ZNF407: variants seen among roughly 807,000 people sequenced by gnomAD.
The protein encoded by ZNF407 is zinc finger protein 407.
ZNF407 carries 17 observed loss-of-function variants against 131.2 expected under a neutral mutation model. That is an observed-to-expected ratio of 0.13 (90% confidence interval 0.09 to 0.19). The LOEUF is 0.19. ZNF407 is among the 10% of genes least tolerant of loss of function. ZNF407 has a pLI of 1.00. For missense variants in ZNF407, 2,681 were observed against 2,830.6 expected (o/e 0.95, Z 1.20); for synonymous variants, 1,156 against 1,062.0 (o/e 1.09, Z -1.72).
chr18:74,910,069 G>A (rs188023489), intron 7 of ZNF407, among the ~76,000 whole-genome samples: 25 of 152,240 alleles, frequency 1.6e-4, no homozygotes, highest in Admixed American at 5.9e-4. Flanking sequence ...ACATGATTGG[G>A]CACATGTAGC....
chr18:74,941,661 G>C (rs1972100742), intron 8 of ZNF407, among the ~76,000 whole-genome samples: 1 of 152,214 alleles, frequency 6.6e-6, no homozygotes, highest in Non-Finnish European at 1.5e-5. Context: ...CCTTTCTCAA[G>C]TAGCAAATGG....
chr18:74,961,660 C>T (rs928669629), intron 8 of ZNF407, among the ~76,000 whole-genome samples: 1 of 151,352 alleles, frequency 6.6e-6, no homozygotes, highest in Non-Finnish European at 1.5e-5. Context: ...ACGGAAGCTG[C>T]AGTGAGCCAA....
intron 1 of ZNF407, among the ~76,000 whole-genome samples, chr18:74,622,726 T>A (rs1983569455): frequency 2.2e-5 from 1 of 44,834 alleles, no homozygotes; most frequent in South Asian, 7.3e-4. Flanking sequence ...ATCACCATAG[T>A]GGTGTGTGTC....
At chr18:74,642,183 T>C (rs959163819) in intron 3 of ZNF407, among the ~76,000 whole-genome samples, 1 of 152,162 alleles carries the variant, frequency 6.6e-6, no homozygotes, top group Non-Finnish European at 1.5e-5. Flanking sequence ...TGCAAGCACT[T>C]TTATGAACCA....
chr18:74,669,553 C>T (rs552030611), intron 3 of ZNF407, among the ~76,000 whole-genome samples: 5 of 152,190 alleles, frequency 3.3e-5, no homozygotes, highest in South Asian at 4.1e-4. Context: ...TTTGCTGTTT[C>T]ATCATATGCC....
Position 74,641,084 on chromosome 18 carries a change from G to T in ZNF407, c.4764G>T (p.Arg1588Ser), listed in dbSNP as rs765538100. The T allele has an allele frequency of 6.2e-7, 1 of 1,613,348 alleles. No homozygotes were observed. The highest frequency in any genetic ancestry group is 1.1e-5 in the South Asian group (1 of 91,056). Residue 1588 changes from arginine (R) to serine (S), a missense_variant, in exon 3 of 9, where the codon AGG becomes AGT. Arg to Ser is a moderately radical substitution (Grantham distance 110). Transcript: ENST00000299687. ...GAGATGCCAGAAACCATGTGAAAAG[G>T]CACCTTGGGATGAGGGAATACAAGT... is the stretch of plus-strand genomic sequence containing the variant. Reference protein sequence around the residue: ...QLGDARNHVKRHLGMREYKCH... With the variant: ...QLGDARNHVKSHLGMREYKCH...
intron 8 of ZNF407, chr18:75,062,928 C>G (rs1973655060): frequency 2.2e-6 from 1 of 455,406 alleles, no homozygotes; most frequent in Non-Finnish European, 3.9e-6. Flanking sequence ...GAAATGCACA[C>G]CCAGTATTAA....
intron 3 of ZNF407, among the ~76,000 whole-genome samples, chr18:74,763,518 C>CT (rs1969148927): frequency 6.6e-6 from 1 of 151,282 alleles, no homozygotes; most frequent in African/African-American, 2.4e-5. Flanking sequence ...AAGGTTACAA[C>CT]TTTTTTTCTT....
intron 1 of ZNF407, among the ~76,000 whole-genome samples, chr18:74,615,942 C>A (rs1983269737): frequency 6.6e-6 from 1 of 151,998 alleles, no homozygotes; most frequent in African/African-American, 2.4e-5. Context: ...CGGCTCACTG[C>A]AGCTTCCGCC....
chr18:74,878,489 C>G (rs1401156077), intron 5 of ZNF407, among the ~76,000 whole-genome samples: 1 of 152,080 alleles, frequency 6.6e-6, no homozygotes, highest in African/African-American at 2.4e-5. Flanking sequence ...TATCGAACAG[C>G]AGATGAAAAG....
chr18:74,944,981 T>A (rs913137730), intron 8 of ZNF407, among the ~76,000 whole-genome samples: 4 of 152,298 alleles, frequency 2.6e-5, no homozygotes, highest in Admixed American at 2.0e-4. Context: ...CTGACAGAAA[T>A]GTACTCCTTG....
chr18:74,630,414 G>A (rs1405956249), intron 1 of ZNF407, among the ~76,000 whole-genome samples: 4 of 152,000 alleles, frequency 2.6e-5, no homozygotes, highest in African/African-American at 7.2e-5. Context: ...CTCGTGATCC[G>A]CCTGCCTCGG....
At chr18:74,726,454 G>T (rs1364381129) in intron 3 of ZNF407, among the ~76,000 whole-genome samples, 1 of 152,114 alleles carries the variant, frequency 6.6e-6, no homozygotes, top group Non-Finnish European at 1.5e-5. Context: ...TAATAAAACT[G>T]TAAAACAGAA....
At chr18:74,979,446 C>T (rs1972564008) in intron 8 of ZNF407, among the ~76,000 whole-genome samples, 1 of 152,124 alleles carries the variant, frequency 6.6e-6, no homozygotes, top group African/African-American at 2.4e-5. Context: ...CATGCACCAC[C>T]ACGCCTGACT....
chr18:74,971,310 G>T (rs572581111), intron 8 of ZNF407, among the ~76,000 whole-genome samples: 24 of 152,346 alleles, frequency 1.6e-4, no homozygotes, highest in African/African-American at 5.8e-4. Context: ...CAGCCAGCTT[G>T]AATTTCTCCC....
At chr18:74,748,686 A>G (rs1968727892) in intron 3 of ZNF407, among the ~76,000 whole-genome samples, 2 of 152,206 alleles carry the variant, frequency 1.3e-5, no homozygotes, top group South Asian at 4.1e-4. Context: ...TAGGTTTTGT[A>G]TAATAACATG....
rs1216837122 is a variant in ZNF407, at chr18:74,631,895, A to G, written c.876A>G (p.Lys292=). 4.3e-6 allele frequency: 7 copies of G among 1,613,870 alleles called. No homozygotes were observed. The highest frequency in any genetic ancestry group is 1.7e-5 in the Admixed American group (1 of 59,980). The change falls in exon 2 of 9, where the codon AAA becomes AAG. Residue 292 remains lysine, a synonymous_variant. Transcript: ENST00000299687. ...QILTKQPFPK[K]SRTMATKNVH... ...TAACAAAACAACCTTTTCCTAAAAA[A>G]TCACGTACAATGGCAACAAAAAATG... is the stretch of plus-strand genomic sequence containing the variant.
intron 4 of ZNF407, among the ~76,000 whole-genome samples, chr18:74,845,988 G>A (rs1273753966): frequency 1.3e-5 from 2 of 152,188 alleles, no homozygotes; most frequent in Non-Finnish European, 2.9e-5. Context: ...TAAAATCTAA[G>A]TAAAATAATT....
intron 4 of ZNF407, among the ~76,000 whole-genome samples, chr18:74,857,538 C>A (rs1481438538): frequency 1.3e-5 from 2 of 151,760 alleles, no homozygotes; most frequent in Non-Finnish European, 2.9e-5. Context: ...TCTTTTGATT[C>A]TTGTGATGGA....
Sources: gnomAD v4.1 joint callset for allele counts (sites outside exome capture counted in the v4.1 genomes callset) on GRCh38, gnomAD v4.1.1 for gene constraint, MANE v1.5 for transcripts, NCBI Gene and HGNC (gene_info 2026-07-23, HGNC 2026-07-21) for gene names.